The following CSNK2A2IP variants were observed in gnomAD, a reference collection of about 807,000 sequenced individuals.
The protein encoded by CSNK2A2IP is casein kinase 2 subunit alpha' interacting protein.
the CSNK2A2IP span, among the ~76,000 whole-genome samples, chr3:88,379,636 T>C: frequency 1.1e-4 from 16 of 151,946 alleles, no homozygotes; most frequent in African/African-American, 3.9e-4. Context: ...GACTGAAAAA[T>C]ACAAAAGATA....
the CSNK2A2IP span, among the ~76,000 whole-genome samples, chr3:88,348,074 G>A: frequency 6.6e-6 from 1 of 152,000 alleles, no homozygotes; most frequent in South Asian, 2.1e-4. Flanking sequence ...TATGGGGACA[G>A]TACTTTAATC....
chr3:88,383,922 C>G, the CSNK2A2IP span, among the ~76,000 whole-genome samples: 104 of 152,210 alleles, frequency 6.8e-4, no homozygotes, highest in Non-Finnish European at 1.3e-3. Flanking sequence ...CTCGGCCTCC[C>G]AAAATGCTGG....
chr3:88,412,177 AAATAT>A, the CSNK2A2IP span, among the ~76,000 whole-genome samples: 56 of 152,116 alleles, frequency 3.7e-4, no homozygotes, highest in African/African-American at 1.2e-3. Context: ...GAAAAGGAAT[AAATAT>A]AATATATTTA....
the CSNK2A2IP span, among the ~76,000 whole-genome samples, chr3:88,404,621 A>T: frequency 6.7e-6 from 1 of 149,220 alleles, no homozygotes; most frequent in South Asian, 2.2e-4. Context: ...TAGAAACACG[A>T]CTTTATAACC....
chr3:88,401,276 T>A, the CSNK2A2IP span, among the ~76,000 whole-genome samples: 212 of 152,224 alleles, frequency 1.4e-3, 2 homozygotes, highest in African/African-American at 4.7e-3. Flanking sequence ...AGATCTTATG[T>A]CTTCTTTATA....
the CSNK2A2IP span, among the ~76,000 whole-genome samples, chr3:88,436,812 G>A: frequency 6.6e-6 from 1 of 152,050 alleles, no homozygotes; most frequent in Non-Finnish European, 1.5e-5. Flanking sequence ...AAACAAACTC[G>A]AATTGATGAT....
the CSNK2A2IP span, chr3:88,343,331 TA>T: frequency 2.0e-5 from 3 of 152,076 alleles, no homozygotes; most frequent in Admixed American, 6.6e-5. Context: ...AATTAAACAC[TA>T]TGTCCCTTTT....
chr3:88,422,602 G>C, the CSNK2A2IP span, among the ~76,000 whole-genome samples: 6 of 152,084 alleles, frequency 3.9e-5, no homozygotes, highest in Non-Finnish European at 8.8e-5. Context: ...ATAAGAGGAG[G>C]CACATGTAAC....
chr3:88,452,117 G>A, the CSNK2A2IP span, among the ~76,000 whole-genome samples: 113 of 151,924 alleles, frequency 7.4e-4, no homozygotes, highest in South Asian at 4.6e-3. Context: ...TTCATACCAT[G>A]TCAGGTTTCC....
chr3:88,439,595 A>G, the CSNK2A2IP span, among the ~76,000 whole-genome samples: 874 of 151,878 alleles, frequency 5.8e-3, 6 homozygotes, highest in African/African-American at 0.02. Context: ...TACAAAAATT[A>G]TCTGAGCATG....
the CSNK2A2IP span, among the ~76,000 whole-genome samples, chr3:88,420,380 C>G: frequency 1.3e-5 from 2 of 152,082 alleles, no homozygotes; most frequent in Non-Finnish European, 2.9e-5. Context: ...AATCTGTCTT[C>G]CCTATGTTAG....
chr3:88,403,529 G>C, the CSNK2A2IP span, among the ~76,000 whole-genome samples: 1 of 152,076 alleles, frequency 6.6e-6, no homozygotes, highest in East Asian at 1.9e-4. Flanking sequence ...CCCTTAGCTT[G>C]CTTCATTACC....
chr3:88,389,837 T>C, the CSNK2A2IP span, among the ~76,000 whole-genome samples: 2 of 152,162 alleles, frequency 1.3e-5, no homozygotes, highest in Non-Finnish European at 1.5e-5. Context: ...TTTTTTTTTT[T>C]TTTTAATTGG....
the CSNK2A2IP span, among the ~76,000 whole-genome samples, chr3:88,363,461 T>G: frequency 6.6e-6 from 1 of 152,230 alleles, no homozygotes; most frequent in Non-Finnish European, 1.5e-5. Flanking sequence ...TATAACCATT[T>G]TATTACTTTC....
chr3:88,461,485 G>T, the CSNK2A2IP span, among the ~76,000 whole-genome samples: 25 of 152,194 alleles, frequency 1.6e-4, no homozygotes, highest in African/African-American at 5.5e-4. Flanking sequence ...CCTGGGAGGC[G>T]GAGCTTGCAG....
the CSNK2A2IP span, among the ~76,000 whole-genome samples, chr3:88,451,723 C>A: frequency 0.08 from 10,303 of 129,102 alleles, 535 homozygotes; most frequent in Non-Finnish European, 0.12. Context: ...ACTCTGTAAT[C>A]TCTCTCTCTT....
the CSNK2A2IP span, among the ~76,000 whole-genome samples, chr3:88,429,234 T>C: frequency 6.6e-6 from 1 of 151,982 alleles, no homozygotes; most frequent in Non-Finnish European, 1.5e-5. Flanking sequence ...TCCCTTCACT[T>C]CTTGTGTCTT....
At chr3:88,341,924 C>G in the CSNK2A2IP span, among the ~76,000 whole-genome samples, 1 of 151,858 alleles carries the variant, frequency 6.6e-6, no homozygotes, top group Non-Finnish European at 1.5e-5. Context: ...TGTTTTGTCT[C>G]TTGATAAGCA....
At chr3:88,339,664 A>G in the CSNK2A2IP span, among the ~76,000 whole-genome samples, 2,850 of 152,216 alleles carry the variant, frequency 0.019, 78 homozygotes, top group African/African-American at 0.063. Flanking sequence ...AGTAATGATG[A>G]CACTTGGGAC....
Sources: allele counts gnomAD v4.1 joint callset (sites outside exome capture counted in the v4.1 genomes callset), GRCh38; gene constraint gnomAD v4.1.1; transcripts MANE v1.5; gene names NCBI Gene and HGNC (gene_info 2026-07-23, HGNC 2026-07-21).